The following SLC13A3 variants were observed in gnomAD, a reference collection of about 807,000 sequenced individuals.
SLC13A3 encodes Na(+)/dicarboxylate cotransporter 3.
A neutral mutation model predicts 59.0 loss-of-function variants in SLC13A3; 40 were observed. The ratio of observed to expected loss-of-function variants is 0.68; its 90% CI spans 0.53 to 0.88. SLC13A3 has a LOEUF of 0.88. Among genes scored for constraint, SLC13A3 ranks in the 40% least tolerant of loss-of-function variants. SLC13A3 has a pLI of 0.00. For synonymous variants in SLC13A3, 317 were observed against 330.3 expected (o/e 0.96, Z 0.44); for missense variants, 699 against 783.2 (o/e 0.89, Z 1.28).
At chr20:46,599,869 A>G in intron 4 of SLC13A3, 102 bp downstream of exon 4, 1 of 863,008 alleles carries the variant, frequency 1.2e-6, no homozygotes, top group South Asian at 2.3e-5. Context: ...ATTTGGAGAA[A>G]AATTCAGGGA....
chr20:46,563,325 G>C lies in SLC13A3; in HGVS notation c.1632+89C>G, dbSNP rs971695852. 1.4e-6 allele frequency: 2 copies of C among 1,427,784 alleles called. 1 individual carries two copies. The allele number at this position is 1,427,784 out of a possible 1,614,324, so 88.4% of individuals were successfully genotyped here. A position where few individuals can be genotyped will look rare whatever the true frequency, so the allele number is the denominator to read the frequency against. On this transcript the variant is annotated intron_variant, in intron 12 of 12. Transcript: ENST00000279027. ...ATTCAGAGACTGGGGAGTGGGGTCAGCGTGCAGGAGTCCTGCATAGAGGCC... is the reference window on the plus strand; with the variant it reads ...ATTCAGAGACTGGGGAGTGGGGTCACCGTGCAGGAGTCCTGCATAGAGGCC...
intron 1 of SLC13A3, among the ~76,000 whole-genome samples, chr20:46,641,228 C>T (rs6011998): frequency 0.21 from 31,229 of 152,048 alleles, 6,001 homozygotes; most frequent in African/African-American, 0.49. Context: ...TTTTAGACCC[C>T]GTACAGGTTC....
intron 1 of SLC13A3, among the ~76,000 whole-genome samples, chr20:46,657,872 G>A (rs944420262): frequency 6.6e-6 from 1 of 152,078 alleles, no homozygotes; most frequent in African/African-American, 2.4e-5. Context: ...CAGATTTCCT[G>A]AGAACTCATA....
intron 1 of SLC13A3, among the ~76,000 whole-genome samples, chr20:46,620,268 T>C (rs577616964): frequency 6.6e-6 from 1 of 152,296 alleles, no homozygotes; most frequent in Non-Finnish European, 1.5e-5. Context: ...AATGAGAAAA[T>C]TGAGGCACAG....
upstream of SLC13A3, among the ~76,000 whole-genome samples, chr20:46,674,600 C>CGTGTGTGT (rs1224790534): frequency 7.8e-4 from 38 of 48,438 alleles, no homozygotes; most frequent in South Asian, 7.2e-4. Flanking sequence ...CGCGCGCGCG[C>CGTGTGTGT]GCGCGTGTGT....
Position 46,613,650 on chromosome 20 carries a change from C to A in SLC13A3, c.187G>T (p.Ala63Ser). ...CTEALPLSVT[A>S]LLPIVLFPFM... is the part of the protein sequence containing the mutation. ...GGGAAGAGGACGATGGGCAGCAGCG[C>A]CGTCACTGAGAGCGGCAGGGCCTCC... The change falls in exon 2 of 13, where the codon GCG (alanine) becomes TCG (serine). Residue 63 changes from alanine to serine, a missense_variant. By Grantham distance (99) the Ala-to-Ser change is moderately conservative. Coordinates refer to ENST00000279027, the MANE Select transcript of SLC13A3 (RefSeq NM_022829.6). The A allele has an allele frequency of 2.5e-6, 4 of 1,612,390 alleles. No homozygotes were observed. Among genetic ancestry groups the A allele is most frequent in the Non-Finnish European group, 3.4e-6 (4 of 1,179,294 alleles).
chr20:46,648,915 T>A (rs867945489), intron 1 of SLC13A3, among the ~76,000 whole-genome samples: 131 of 145,332 alleles, frequency 9.0e-4, no homozygotes, highest in East Asian at 5.2e-3. Flanking sequence ...TCTCTCTCTC[T>A]CACACACACA....
intron 1 of SLC13A3, among the ~76,000 whole-genome samples, chr20:46,632,908 G>GAC (rs544583469): frequency 0.056 from 1,925 of 34,114 alleles, 69 homozygotes; most frequent in Middle Eastern, 0.23. Context: ...TAGATAGATA[G>GAC]ATATATCTAT....
chr20:46,640,509 A>G (rs2062837136), intron 1 of SLC13A3, among the ~76,000 whole-genome samples: 1 of 152,136 alleles, frequency 6.6e-6, no homozygotes, highest in South Asian at 2.1e-4. Context: ...GACAAACAAA[A>G]AGAGCAGAGA....
intron 7 of SLC13A3, 96 bp from the exon 8 acceptor site, chr20:46,588,259 GCC>G: frequency 1.5e-6 from 1 of 684,310 alleles, no homozygotes; most frequent in South Asian, 2.0e-5. Flanking sequence ...GAGTGACTGG[GCC>G]CGGGCTCTGC....
upstream of SLC13A3, among the ~76,000 whole-genome samples, chr20:46,653,846 A>G (rs2088950038): frequency 6.6e-6 from 1 of 152,052 alleles, no homozygotes; most frequent in Non-Finnish European, 1.5e-5. Flanking sequence ...TCATTTGTTG[A>G]TAGACATTGG....
At chr20:46,613,832 A>G in intron 1 of SLC13A3, 107 bp from the exon 2 acceptor site, 1 of 962,404 alleles carries the variant, frequency 1.0e-6, no homozygotes, top group Non-Finnish European at 1.5e-6. Flanking sequence ...CTGGGGGCAG[A>G]GGGGGAAGGA....
chr20:46,595,356 A>C (rs1044310252), intron 5 of SLC13A3, among the ~76,000 whole-genome samples: 4 of 151,950 alleles, frequency 2.6e-5, no homozygotes, highest in Non-Finnish European at 5.9e-5. Context: ...CAGGAGTGAA[A>C]GTTTATTAAA....
chr20:46,608,109 A>G (rs1964082605), intron 3 of SLC13A3, among the ~76,000 whole-genome samples: 1 of 152,184 alleles, frequency 6.6e-6, no homozygotes, highest in Non-Finnish European at 1.5e-5. Flanking sequence ...CAGTTTGAAA[A>G]TCAAGAAAGC....
In SLC13A3 at chr20:46,559,998, C is replaced by A; in HGVS notation, c.*24G>T. 1 of 1,610,934 alleles carries A rather than the reference C, an allele frequency of 6.2e-7. No individual in the cohort carries two copies. Among genetic ancestry groups the A allele is most frequent in the South Asian group, 1.1e-5 (1 of 90,778 alleles). ...TGACAGCCCTTTGAGAGGGTTCAGC[C>A]TCAAGGGAGTCCTCCAGGGGGACTC... On this transcript the variant is annotated 3_prime_UTR_variant, in exon 13 of 13. Coordinates refer to ENST00000279027, the MANE Select transcript of SLC13A3 (RefSeq NM_022829.6).
At chr20:46,617,630 A>T (rs1600568125) in intron 1 of SLC13A3, among the ~76,000 whole-genome samples, 1 of 134,400 alleles carries the variant, frequency 7.4e-6, no homozygotes, top group Admixed American at 7.4e-5. Context: ...GTGTGTGTGT[A>T]TTAAGGTCTG....
rs189570587 is a variant in SLC13A3, at chr20:46,649,818, G to A, written c.111+1493C>T. On this transcript the variant is annotated intron_variant, in intron 1 of 12. Coordinates refer to ENST00000279027, the MANE Select transcript of SLC13A3 (RefSeq NM_022829.6). ...TGTTTTTCTCTTCCACGTCGAGAAA[G>A]TCTAATAGCTTAGATAATTCCACAC... 2.0e-4 allele frequency among the ~76,000 whole-genome samples: 30 copies of A among 152,254 alleles called. No individual in the cohort carries two copies. The East Asian group carries it at 3.9e-3, about 20-fold the overall frequency.
intron 1 of SLC13A3, among the ~76,000 whole-genome samples, chr20:46,626,392 A>G (rs903576330): frequency 7.3e-5 from 11 of 151,190 alleles, no homozygotes. Flanking sequence ...CAGGATGTCA[A>G]CTCAGCTTTC....
intron 1 of SLC13A3, among the ~76,000 whole-genome samples, chr20:46,682,971 T>C (rs1394798275): frequency 2.0e-5 from 3 of 152,178 alleles, no homozygotes; most frequent in Non-Finnish European, 2.9e-5. Context: ...GAACATTTGT[T>C]AACCCTTTAT....
Sources: gnomAD v4.1 joint callset for allele counts (sites outside exome capture counted in the v4.1 genomes callset) on GRCh38, gnomAD v4.1.1 for gene constraint, MANE v1.5 for transcripts, NCBI Gene and HGNC (gene_info 2026-07-23, HGNC 2026-07-21) for gene names.